Variants in HS2ST1 observed in about 807,000 individuals in gnomAD.
The protein encoded by HS2ST1 is heparan sulfate 2-O-sulfotransferase 1.
In HS2ST1, 18 loss-of-function variants were observed where a neutral mutation model predicts 42.9. That is an observed-to-expected ratio of 0.42 (90% confidence interval 0.29 to 0.62). The LOEUF is 0.62. Ranked by LOEUF, HS2ST1 falls within the 20% of genes least tolerant of loss-of-function variation. The probability of loss-of-function intolerance (pLI) is 0.21; values close to 1 mark genes in which losing one functional copy is unlikely to be tolerated. For missense variants in HS2ST1, 334 were observed against 433.8 expected, an observed-to-expected ratio of 0.77 and a Z score of 2.04; for synonymous variants, 146 against 152.9, an observed-to-expected ratio of 0.95 and a Z score of 0.33.
rs1230549613 is a variant in HS2ST1, at chr1:86,985,423, CATAT to C, written c.124+70267_124+70270del. ...ACATATATATACACATATATATACA[CATAT>C]ATACACACATATATACACATATATA... On this transcript the variant is annotated intron_variant, in intron 1 of 6. Transcript: ENST00000370550. Among the ~76,000 whole-genome samples, 65 of 52,778 alleles carry C rather than the reference CATAT, an allele frequency of 1.2e-3. 4 individuals are homozygous for C. The highest frequency in any genetic ancestry group is 0.012 in the Middle Eastern group (1 of 86). The allele number at this position is 52,778 out of a possible 152,430, so 34.6% of individuals were successfully genotyped here.
chr1:87,041,805 A>G (rs777186300), intron 1 of HS2ST1, among the ~76,000 whole-genome samples: 37 of 152,304 alleles, frequency 2.4e-4, no homozygotes, highest in Admixed American at 9.8e-4. Context: ...TACTGTGTGT[A>G]TATCACACAG....
chr1:87,041,159 C>A (rs1361510229), intron 1 of HS2ST1, among the ~76,000 whole-genome samples: 2 of 142,988 alleles, frequency 1.4e-5, no homozygotes, highest in Non-Finnish European at 1.5e-5. Context: ...GAAAGGAAGA[C>A]CACATTAAAT....
At chr1:86,927,547 T>C (rs1360185494) in intron 1 of HS2ST1, among the ~76,000 whole-genome samples, 1 of 152,216 alleles carries the variant, frequency 6.6e-6, no homozygotes, top group African/African-American at 2.4e-5. Context: ...TATCACCTTA[T>C]GTTTTTCCAT....
intron 3 of HS2ST1, 118 bp downstream of exon 3, chr1:87,084,397 C>A: frequency 1.7e-6 from 1 of 600,758 alleles, no homozygotes; most frequent in Non-Finnish European, 2.8e-6. Flanking sequence ...CTTGCCTTTG[C>A]CAGTTTTAGA....
intron 1 of HS2ST1, among the ~76,000 whole-genome samples, chr1:86,963,648 C>T (rs557643270): frequency 5.3e-5 from 8 of 151,122 alleles, no homozygotes; most frequent in Non-Finnish European, 1.2e-4. Context: ...TCATCATGGC[C>T]CGTTCTCAGT....
intron 1 of HS2ST1, chr1:86,932,162 T>G (rs570059092): frequency 3.9e-5 from 6 of 152,256 alleles, no homozygotes; most frequent in African/African-American, 1.2e-4. Context: ...AGACTAACAT[T>G]AAGGGCTAAA....
At chr1:87,064,406 T>C in intron 1 of HS2ST1, 1 of 501,324 alleles carries the variant, frequency 2.0e-6, no homozygotes, top group Non-Finnish European at 4.0e-6. Context: ...ATTTTAGGTG[T>C]ACTCAGAAGG....
intron 1 of HS2ST1, chr1:86,992,939 G>A (rs1334161164): frequency 1.3e-6 from 1 of 781,036 alleles, no homozygotes; most frequent in African/African-American, 1.8e-5. Flanking sequence ...TAATAAACTG[G>A]GGGAAACTTA....
intron 1 of HS2ST1, among the ~76,000 whole-genome samples, chr1:86,971,475 C>A (rs533991800): frequency 1.6e-3 from 247 of 152,046 alleles, no homozygotes; most frequent in Middle Eastern, 3.4e-3. Flanking sequence ...TAAATTGGAC[C>A]TAGGGTGGGG....
intron 1 of HS2ST1, among the ~76,000 whole-genome samples, chr1:86,975,027 G>T (rs1301210174): frequency 1.3e-5 from 2 of 152,132 alleles, no homozygotes; most frequent in Non-Finnish European, 1.5e-5. Flanking sequence ...TGCAACCACA[G>T]AACTGGCTGG....
At chr1:87,012,249 C>T (rs999402039) in intron 1 of HS2ST1, among the ~76,000 whole-genome samples, 3 of 152,028 alleles carry the variant, frequency 2.0e-5, no homozygotes, top group South Asian at 2.1e-4. Flanking sequence ...AAGACATACC[C>T]GAGACTGGTA....
chr1:86,980,236 G>A (rs1427982476), intron 1 of HS2ST1, among the ~76,000 whole-genome samples: 2 of 152,100 alleles, frequency 1.3e-5, no homozygotes, highest in Non-Finnish European at 2.9e-5. Flanking sequence ...TAGTGGGAGA[G>A]ACATATGACA....
At chr1:87,064,463 G>A (rs746802446) in intron 1 of HS2ST1, 1 of 518,544 alleles carries the variant, frequency 1.9e-6, no homozygotes, top group Non-Finnish European at 3.9e-6. Flanking sequence ...TAAAGTGGAA[G>A]TCACTGTTAG....
At chr1:87,048,729 T>C (rs575683149) in intron 1 of HS2ST1, among the ~76,000 whole-genome samples, 3 of 152,308 alleles carry the variant, frequency 2.0e-5, no homozygotes, top group South Asian at 4.1e-4. Flanking sequence ...TTTATGTGCA[T>C]GTATTAAGAT....
chr1:87,048,057 T>G (rs2100611434), intron 1 of HS2ST1, among the ~76,000 whole-genome samples: 1 of 152,304 alleles, frequency 6.6e-6, no homozygotes, highest in African/African-American at 2.4e-5. Flanking sequence ...CTTTCAATCA[T>G]GAATGTGGCA....
intron 1 of HS2ST1, among the ~76,000 whole-genome samples, chr1:87,035,210 T>C (rs1306463903): frequency 2.0e-5 from 3 of 152,206 alleles, no homozygotes; most frequent in African/African-American, 7.2e-5. Flanking sequence ...TTAGAACTCT[T>C]AAGATAATAA....
chr1:86,917,721 A>G (rs1384600676), intron 1 of HS2ST1, among the ~76,000 whole-genome samples: 3 of 152,186 alleles, frequency 2.0e-5, no homozygotes, highest in Non-Finnish European at 4.4e-5. Flanking sequence ...TTACGCTGAG[A>G]TTTAGGTATT....
At chr1:87,054,930 GTT>G (rs1411333441) in intron 1 of HS2ST1, among the ~76,000 whole-genome samples, 2 of 152,174 alleles carry the variant, frequency 1.3e-5, no homozygotes, top group African/African-American at 2.4e-5. Context: ...AACAGCTGAT[GTT>G]TCCCTAATTA....
At chr1:87,098,156 C>T (rs1652114652) in intron 5 of HS2ST1, 6 of 1,079,868 alleles carry the variant, frequency 5.6e-6, no homozygotes, top group Middle Eastern at 4.0e-4. Context: ...TTCTGAGATG[C>T]CGGTTTTTAG....
Sources: gnomAD v4.1 joint callset for allele counts (sites outside exome capture counted in the v4.1 genomes callset) on GRCh38, gnomAD v4.1.1 for gene constraint, MANE v1.5 for transcripts, NCBI Gene and HGNC (gene_info 2026-07-23, HGNC 2026-07-21) for gene names.